Variants in ADAM22 observed in about 807,000 individuals in gnomAD.
ADAM22 encodes the protein disintegrin and metalloproteinase domain-containing protein 22.
A neutral mutation model predicts 144.6 loss-of-function variants in ADAM22; 65 were observed. The ratio of observed to expected loss-of-function variants is 0.45; its 90% CI spans 0.37 to 0.55. ADAM22 has a LOEUF of 0.55. Ranked by LOEUF, ADAM22 falls within the 20% of genes least tolerant of loss-of-function variation. ADAM22 has a pLI of 0.00. For missense variants in ADAM22, 974 were observed against 1,184.9 expected, an observed-to-expected ratio of 0.82 and a Z score of 2.61; for synonymous variants, 391 against 412.6, an observed-to-expected ratio of 0.95 and a Z score of 0.63.
chr7:87,935,137 G>T lies in ADAM22; in HGVS notation c.197G>T (p.Arg66Leu), dbSNP rs1021648615. 1 of 1,613,208 alleles carries T rather than the reference G, an allele frequency of 6.2e-7. No individual in the cohort carries two copies. Among genetic ancestry groups the T allele is most frequent in the Non-Finnish European group, 8.5e-7 (1 of 1,179,686 alleles). ...CGCTCGGGCGGCGAAGACGAAAGTC[G>T]GCACGACGCGCTCGACACGCGGGTG... ...IYRSGGEDESRHDALDTRVRG... is the reference protein window; with the variant it reads ...IYRSGGEDESLHDALDTRVRG... Residue 66 changes from arginine (R) to leucine (L), a missense_variant, in exon 2 of 32, where the codon CGG (arginine) becomes CTG (leucine). Transcript: ENST00000413139.
intron 5 of ADAM22, among the ~76,000 whole-genome samples, chr7:88,108,470 A>G (rs954871611): frequency 1.3e-5 from 2 of 151,882 alleles, no homozygotes; most frequent in African/African-American, 4.8e-5. Context: ...GCTCATGCCT[A>G]TAATCCCAGC....
rs139978316 is a variant in ADAM22 at position 88,141,140 on chromosome 7, T to G, written c.1221-1886T>G. ...AGTTTACTTGGGTTCATTTATAAAT[T>G]GTCAGTGTTTGTCGGGAGCTGGTTC... is the stretch of plus-strand genomic sequence containing the variant. On this transcript the variant is annotated intron_variant, in intron 14 of 31. Transcript: ENST00000413139. 7.6e-4 allele frequency among the ~76,000 whole-genome samples: 116 copies of G among 152,336 alleles called. 3 individuals carry two copies. In the East Asian group the frequency reaches 0.021, roughly 28 times the overall value.
chr7:87,966,076 T>G (rs937881760), intron 2 of ADAM22, among the ~76,000 whole-genome samples: 3 of 152,236 alleles, frequency 2.0e-5, no homozygotes, highest in African/African-American at 7.2e-5. Context: ...ATTTTCAGCT[T>G]GCATATGGGG....
At chr7:88,100,707 G>A (rs981839916) in intron 4 of ADAM22, among the ~76,000 whole-genome samples, 1 of 152,034 alleles carries the variant, frequency 6.6e-6, no homozygotes, top group African/African-American at 2.4e-5. Flanking sequence ...TTAGAGATGC[G>A]GTCTCACTAT....
intron 2 of ADAM22, among the ~76,000 whole-genome samples, chr7:87,965,904 C>T (rs751340995): frequency 6.6e-6 from 1 of 152,224 alleles, no homozygotes; most frequent in Non-Finnish European, 1.5e-5. Context: ...ACTAGTTATT[C>T]ATGTGAGAGT....
At chr7:88,169,762 T>G (rs1022367721) in intron 25 of ADAM22, among the ~76,000 whole-genome samples, 10 of 152,150 alleles carry the variant, frequency 6.6e-5, no homozygotes, top group African/African-American at 9.7e-5. Flanking sequence ...TAGCTCTGTG[T>G]TGGAATCACA....
chr7:88,145,584 T>G lies in ADAM22; in HGVS notation c.1485+77T>G, dbSNP rs971414746. On this transcript the variant is annotated intron_variant, in intron 17 of 31. Coordinates refer to ENST00000413139, the MANE Select transcript of ADAM22 (RefSeq NM_001324418.2). ...AATCATTAAGGCTGGGTAAATATAA[T>G]CTAATAACAGAAATAGTATCTAACA... 8.6e-6 allele frequency: 10 copies of G among 1,168,128 alleles called. No individual in the cohort carries two copies. In the African/African-American group the frequency reaches 9.2e-5, roughly 11 times the overall value. 72.4% of individuals were successfully genotyped at this position (1,168,128 alleles called of 1,614,324 possible).
intron 3 of ADAM22, among the ~76,000 whole-genome samples, chr7:88,072,083 T>A (rs1407902405): frequency 2.0e-5 from 3 of 152,200 alleles, no homozygotes. Flanking sequence ...AAAGTTTAAA[T>A]TTAAGGATTC....
intron 2 of ADAM22, among the ~76,000 whole-genome samples, chr7:87,948,530 C>A (rs1844260211): frequency 6.6e-6 from 1 of 152,134 alleles, no homozygotes; most frequent in Non-Finnish European, 1.5e-5. Context: ...TGCTCATAAT[C>A]CCCTGGATTT....
At chr7:88,154,361 A>G (rs1839302286) in intron 21 of ADAM22, among the ~76,000 whole-genome samples, 1 of 152,078 alleles carries the variant, frequency 6.6e-6, no homozygotes, top group African/African-American at 2.4e-5. Context: ...ACCATTCCGA[A>G]TATGTCCCTA....
chr7:88,139,249 C>G (rs543568078), intron 14 of ADAM22, among the ~76,000 whole-genome samples: 96 of 152,152 alleles, frequency 6.3e-4, no homozygotes, highest in East Asian at 1.4e-3. Context: ...GAAACCCCGT[C>G]TCTACTAAAA....
chr7:88,047,382 C>A (rs1804951415), intron 3 of ADAM22, among the ~76,000 whole-genome samples: 1 of 152,200 alleles, frequency 6.6e-6, no homozygotes, highest in Admixed American at 6.5e-5. Context: ...CTTCATGAAT[C>A]CTGATTTGAC....
chr7:88,131,503 A>G, intron 11 of ADAM22, 68 bp downstream of exon 11: 3 of 1,504,924 alleles, frequency 2.0e-6, no homozygotes, highest in Middle Eastern at 1.8e-4. Context: ...TGTGACTGAA[A>G]TGTATCCTTT....
intron 27 of ADAM22, among the ~76,000 whole-genome samples, chr7:88,179,415 T>C (rs915390069): frequency 4.6e-5 from 7 of 152,124 alleles, no homozygotes; most frequent in African/African-American, 1.7e-4. Flanking sequence ...ACTGTCATGC[T>C]TCAATAAAAG....
At chr7:87,946,257 A>G (rs1843661221) in intron 2 of ADAM22, among the ~76,000 whole-genome samples, 2 of 152,076 alleles carry the variant, frequency 1.3e-5, no homozygotes, top group Non-Finnish European at 2.9e-5. Flanking sequence ...TAAGTTCCTT[A>G]TAGATTCTGG....
chr7:87,997,455 G>T (rs1791501832), intron 3 of ADAM22, among the ~76,000 whole-genome samples: 1 of 152,260 alleles, frequency 6.6e-6, no homozygotes, highest in Non-Finnish European at 1.5e-5. Flanking sequence ...TGGATTCTCT[G>T]CATAGAGTCT....
At chr7:88,182,164 T>A in intron 29 of ADAM22, 140 bp downstream of exon 29, 1 of 716,490 alleles carries the variant, frequency 1.4e-6, no homozygotes, top group Non-Finnish European at 2.2e-6. Context: ...TTTTGCCCTT[T>A]AAAAATTAAC....
At chr7:88,092,325 G>A (rs890931362) in intron 4 of ADAM22, among the ~76,000 whole-genome samples, 3 of 152,078 alleles carry the variant, frequency 2.0e-5, no homozygotes, top group African/African-American at 4.8e-5. Context: ...TACACAGCCC[G>A]CAAGCAGGAA....
At chr7:88,049,397 T>C (rs1188234270) in intron 3 of ADAM22, among the ~76,000 whole-genome samples, 5 of 152,172 alleles carry the variant, frequency 3.3e-5, no homozygotes, top group Admixed American at 2.6e-4. Flanking sequence ...TTTGTTTGTT[T>C]GTTTGTTTTT....
Sources: gnomAD v4.1 joint callset for allele counts (sites outside exome capture counted in the v4.1 genomes callset) on GRCh38, gnomAD v4.1.1 for gene constraint, MANE v1.5 for transcripts, NCBI Gene and HGNC (gene_info 2026-07-23, HGNC 2026-07-21) for gene names.